Variants in DHX37 observed in about 807,000 individuals in gnomAD.
The protein encoded by DHX37 is DEAH-box helicase 37, also known as probable ATP-dependent RNA helicase DHX37.
A neutral mutation model predicts 134.3 loss-of-function variants in DHX37; 52 were observed. The ratio of observed to expected loss-of-function variants is 0.39; its 90% confidence interval spans 0.31 to 0.49. The LOEUF (loss-of-function observed/expected upper bound fraction) is 0.49. DHX37 is among the 20% of genes least tolerant of loss of function. The probability of loss-of-function intolerance (pLI) is 0.93; values close to 1 mark genes in which losing one functional copy is unlikely to be tolerated. For synonymous variants in DHX37, 634 were observed against 670.7 expected (o/e 0.95, Z 0.85); for missense variants, 1,344 against 1,580.8 (o/e 0.85, Z 2.54).
chr12:124,956,897 G>T lies in DHX37; in HGVS notation c.2265-18C>A, dbSNP rs201187827. On this transcript the variant is annotated intron_variant, in intron 17 of 26. Transcript: ENST00000308736. ...GCTTCACCCTGGAGATGGAGGTGGT[G>T]GTGGCAGTGCTCTGAGAGGAGCTCT... 3.3e-4 allele frequency: 514 copies of T among 1,574,180 alleles called. 2 individuals carry two copies. The East Asian group carries it at 9.5e-3, about 29-fold the overall frequency.
chr12:124,973,256 A>G (rs1352816720), intron 6 of DHX37, among the ~76,000 whole-genome samples: 1 of 152,060 alleles, frequency 6.6e-6, no homozygotes, highest in Non-Finnish European at 1.5e-5. Context: ...CATCTCTACT[A>G]AATACAAAAA....
In DHX37 at chr12:124,954,003, A is replaced by C; in HGVS notation, c.2579-7T>G. On this transcript the variant is annotated splice_region_variant and splice_polypyrimidine_tract_variant and intron_variant, in intron 19 of 26. Transcript: ENST00000308736. ...TCACAGGCTCCCACGGCGCCTGGGG[A>C]ACGAAGAGGGGGCATGCTCTCTCTC... 1 of 1,613,320 alleles carries C rather than the reference A, an allele frequency of 6.2e-7. No individual in the cohort carries two copies. Among genetic ancestry groups the C allele is most frequent in the Non-Finnish European group, 8.5e-7 (1 of 1,179,884 alleles).
Position 124,949,711 on chromosome 12 carries a change from G to A in DHX37, c.3290+275C>T, listed in dbSNP as rs56689307. Among the ~76,000 whole-genome samples, 5,151 of 152,246 alleles carry A rather than the reference G, an allele frequency of 0.034. 129 individuals are homozygous for A. The highest frequency in any genetic ancestry group is 0.088 in the East Asian group (457 of 5,178). ...TGTCCTTATAAGGAGAACACAGGGAGGGAGACTAAAGACACACAGAGAGAT... is the reference window on the plus strand; with the variant it reads ...TGTCCTTATAAGGAGAACACAGGGAAGGAGACTAAAGACACACAGAGAGAT... On this transcript the variant is annotated intron_variant, in intron 25 of 26. Transcript: ENST00000308736. The surrounding 1 kb of genome is among the most constrained non-coding windows in gnomAD (Gnocchi z 4.0).
At position 124,952,395 on chromosome 12, in the gene DHX37, C is replaced by T. The variant is rs770324345; in HGVS notation, c.2868+3G>A. ...CCGGGCAGGGAGGCGGTGGGGGCCG[C>T]ACCTTGTAGGCGTTCCTCCACTTGT... On this transcript the variant is annotated splice_donor_region_variant and intron_variant, in intron 21 of 26. Coordinates refer to ENST00000308736, the MANE Select transcript of DHX37 (RefSeq NM_032656.4). 6.2e-6 allele frequency: 10 copies of T among 1,606,022 alleles called. 1 individual carries two copies. In the South Asian group the frequency reaches 1.0e-4, roughly 16 times the overall value.
chr12:124,957,494 C>T (rs11057933), intron 16 of DHX37, among the ~76,000 whole-genome samples: 80,312 of 152,012 alleles, frequency 0.53, 23,409 homozygotes, highest in African/African-American at 0.77. Context: ...AGGCATAATA[C>T]GAATAAATTG....
At chr12:124,972,142 G>A (rs1046691455) in intron 7 of DHX37, among the ~76,000 whole-genome samples, 15 of 152,252 alleles carry the variant, frequency 9.9e-5, no homozygotes, top group Admixed American at 7.2e-4. Flanking sequence ...CCGCAGGGCA[G>A]AGCCTGCACA....
Position 124,968,580 on chromosome 12 carries a change from G to A in DHX37, c.1362C>T (p.Gly454=), listed in dbSNP as rs201142906. 1.4e-4 allele frequency: 218 copies of A among 1,613,910 alleles called. No homozygotes were observed. Among genetic ancestry groups the A allele is most frequent in the Middle Eastern group, 3.3e-4 (2 of 6,084 alleles). The change falls in exon 10 of 27, where the codon GGC becomes GGT. Residue 454 remains glycine (G), a synonymous_variant. Transcript: ENST00000308736. ...NKRTPLEDYS[G]ECFRKVCKIH... is the part of the protein sequence containing the mutation. ...TCTTGCAGACCTTCCGGAAGCACTC[G>A]CCACTGTAGTCTTCCAGCGGTGTCC...
intron 3 of DHX37, 145 bp downstream of exon 3, chr12:124,982,366 A>T: frequency 9.0e-7 from 1 of 1,111,982 alleles, no homozygotes; most frequent in African/African-American, 1.6e-5. Flanking sequence ...AGAGGCATTT[A>T]GGATGACAAT....
intron 1 of DHX37, among the ~76,000 whole-genome samples, chr12:124,988,050 G>A (rs1954908492): frequency 7.1e-6 from 1 of 140,930 alleles, no homozygotes; most frequent in Non-Finnish European, 1.5e-5. Context: ...CTAGAGTACA[G>A]TGGTGCGATC....
chr12:124,981,979 C>T (rs1163525161), intron 3 of DHX37, among the ~76,000 whole-genome samples: 5 of 151,806 alleles, frequency 3.3e-5, no homozygotes, highest in Non-Finnish European at 5.9e-5. Context: ...CAAAATTAGC[C>T]GGGCTTGGTG....
intron 8 of DHX37, among the ~76,000 whole-genome samples, chr12:124,969,722 C>T (rs1478169319): frequency 6.6e-6 from 1 of 152,098 alleles, no homozygotes; most frequent in Non-Finnish European, 1.5e-5. Flanking sequence ...AGCTCTGACA[C>T]TGCTGGTGCG....
At chr12:124,982,251 C>A (rs1466924351) in intron 3 of DHX37, among the ~76,000 whole-genome samples, 7 of 152,108 alleles carry the variant, frequency 4.6e-5, no homozygotes, top group African/African-American at 1.7e-4. Flanking sequence ...AGAGCTGTAA[C>A]AAGGGACTCT....
rs372555717 is a variant in DHX37, at chr12:124,947,780, G to A, written c.*22C>T. 642 of 1,542,324 alleles carry A rather than the reference G, an allele frequency of 4.2e-4. 7 individuals are homozygous for A. In the South Asian group the frequency reaches 6.5e-3, roughly 16 times the overall value. ...CCCTCCAGTCCCCAAACCAGTCCTC[G>A]GCCCTGCAGCCAGGTTTCTGGTCAG... On this transcript the variant is annotated 3_prime_UTR_variant, in exon 27 of 27. Transcript: ENST00000308736.
chr12:124,974,886 C>G (rs992691428), intron 6 of DHX37, among the ~76,000 whole-genome samples: 3 of 151,890 alleles, frequency 2.0e-5, no homozygotes, highest in African/African-American at 4.8e-5. Context: ...AAGTGATTCT[C>G]CTGCCTTAAC....
At position 124,960,312 on chromosome 12, in the gene DHX37, CTTTTCAACG is replaced by C; in HGVS notation, c.2148_2156del (p.Asn716_Glu718del). On this transcript the variant is annotated inframe_deletion and splice_region_variant, in exon 16 of 27. Coordinates refer to ENST00000308736, the MANE Select transcript of DHX37 (RefSeq NM_032656.4). The stretch of plus-strand genomic sequence containing the variant: ...AGCGGGGCTGGGGGCAGCAACTGAC[CTTTTCAACG>C]TTGAGCGCCTTCATTTGAAGGATTA... 6.2e-7 allele frequency: 1 copy of C among 1,611,334 alleles called. No homozygotes were observed.
chr12:124,950,762 C>T lies in DHX37; in HGVS notation c.2911G>A (p.Val971Ile), dbSNP rs151265243. 1.1e-4 allele frequency: 173 copies of T among 1,610,178 alleles called. No individual in the cohort carries two copies. Among genetic ancestry groups the T allele is most frequent in the South Asian group, 7.4e-4 (67 of 90,606 alleles). The change falls in exon 22 of 27, where the codon GTC becomes ATC. Residue 971 changes from valine to isoleucine, a missense_variant. Val to Ile is a conservative substitution (Grantham distance 29, BLOSUM62 3). Transcript: ENST00000308736. ...AACTCGGGGAGCTCTTTGAAAAGGA[C>T]GGAGCTGGGGTGGATGAAGACAGGG... ...DDPVFIHPSS[V>I]LFKELPEFVV... is the part of the protein sequence containing the mutation.
intron 1 of DHX37, among the ~76,000 whole-genome samples, chr12:124,987,039 A>AC (rs1954887136): frequency 6.6e-6 from 1 of 152,128 alleles, no homozygotes; most frequent in Non-Finnish European, 1.5e-5. Flanking sequence ...GAGCCACTGC[A>AC]CCCAGCCTGA....
chr12:124,987,606 C>T (rs999762337), intron 1 of DHX37, among the ~76,000 whole-genome samples: 2 of 152,206 alleles, frequency 1.3e-5, no homozygotes, highest in African/African-American at 4.8e-5. Context: ...CTGGGACACA[C>T]CCCACCTCTG....
chr12:124,975,551 C>T (rs1236964188), intron 5 of DHX37, 40 bp from the exon 6 acceptor site: 2 of 1,598,456 alleles, frequency 1.3e-6, no homozygotes, highest in Non-Finnish European at 8.5e-7. Context: ...GTGCGCGGCC[C>T]CACCTGTTCA....
Sources: allele counts gnomAD v4.1 joint callset (sites outside exome capture counted in the v4.1 genomes callset), GRCh38; gene constraint gnomAD v4.1.1; non-coding constraint Gnocchi (gnomAD v3.1); transcripts MANE v1.5; gene names NCBI Gene and HGNC (gene_info 2026-07-23, HGNC 2026-07-21).